WDR27: variants seen among roughly 807,000 people sequenced by gnomAD.
The protein encoded by WDR27 is WD repeat-containing protein 27.
In WDR27, 100 loss-of-function variants were observed where a neutral mutation model predicts 114.4. The observed-to-expected ratio is 0.87, with a 90% CI of 0.74 to 1.03. The LOEUF is 1.03. Among genes scored for constraint, WDR27 ranks in the 50% least tolerant of loss-of-function variants. WDR27 has a pLI of 0.00. For synonymous variants in WDR27, 449 were observed against 423.1 expected (o/e 1.06, Z -0.75); for missense variants, 1,129 against 1,092.9 (o/e 1.03, Z -0.47).
Position 169,672,327 on chromosome 6 carries a change from G to C in WDR27, c.259C>G (p.Leu87Val), listed in dbSNP as rs757672686. The change falls in exon 3 of 26, where the codon CTA becomes GTA. Residue 87 changes from leucine to valine, a missense_variant. Coordinates refer to ENST00000448612, the MANE Select transcript of WDR27 (RefSeq NM_182552.5). ...TAATCCAGTGATGCTGAGCAGATTA[G>C]AAGTGGGTTCACTTTATTTCCAAAA... The part of the protein sequence containing the change: ...MAFGNKVNPL[L>V]ICSASLDYVI... 1.2e-6 allele frequency: 2 copies of C among 1,613,420 alleles called. No homozygotes were observed. The highest frequency in any genetic ancestry group is 1.3e-5 in the African/African-American group (1 of 74,938).
chr6:169,520,212 C>G (rs932495439), intron 25 of WDR27, among the ~76,000 whole-genome samples: 8 of 152,008 alleles, frequency 5.3e-5, no homozygotes, highest in Admixed American at 2.0e-4. Context: ...AGGGCATGAA[C>G]CCATAGCCAG....
At chr6:169,438,821 G>C in the WDR27 span, among the ~76,000 whole-genome samples, 1 of 152,098 alleles carries the variant, frequency 6.6e-6, no homozygotes, top group South Asian at 2.1e-4. Context: ...CTTGTGCTTG[G>C]TGCTGTCTTT....
intron 25 of WDR27, among the ~76,000 whole-genome samples, chr6:169,521,560 A>C (rs1405732379): frequency 6.6e-6 from 1 of 152,142 alleles, no homozygotes; most frequent in Non-Finnish European, 1.5e-5. Context: ...TATGAAGCCC[A>C]AAAGACAAAT....
intron 21 of WDR27, among the ~76,000 whole-genome samples, chr6:169,622,135 A>G (rs1289648638): frequency 6.6e-6 from 1 of 152,210 alleles, no homozygotes; most frequent in Non-Finnish European, 1.5e-5. Context: ...CCAGGACCTG[A>G]AGGTCCCCTC....
At chr6:169,553,375 G>A (rs1046121013) in intron 25 of WDR27, among the ~76,000 whole-genome samples, 1 of 152,100 alleles carries the variant, frequency 6.6e-6, no homozygotes, top group African/African-American at 2.4e-5. Context: ...TAGAAAAGAA[G>A]AGCAATATAA....
At chr6:169,561,581 CA>C (rs971280519) in intron 25 of WDR27, among the ~76,000 whole-genome samples, 6 of 144,976 alleles carry the variant, frequency 4.1e-5, no homozygotes, top group African/African-American at 5.1e-5. Flanking sequence ...CCTAAGAAGC[CA>C]AAAAAAAAGA....
chr6:169,525,520 A>C (rs1420845327), intron 25 of WDR27, among the ~76,000 whole-genome samples: 1 of 145,104 alleles, frequency 6.9e-6, no homozygotes, highest in Non-Finnish European at 1.5e-5. Flanking sequence ...TGGGTGACAG[A>C]GCAAGACTCC....
chr6:169,474,610 T>C (rs1309854570), intron 25 of WDR27, among the ~76,000 whole-genome samples: 1 of 151,846 alleles, frequency 6.6e-6, no homozygotes, highest in African/African-American at 2.4e-5. Context: ...GTTGAGAGGA[T>C]GGAAAATGTG....
rs901655101 is a variant in WDR27, at chr6:169,702,022, C to T, written c.-479G>A. 1.6e-5 allele frequency: 7 copies of T among 449,470 alleles called. No individual in the cohort carries two copies. The East Asian group carries it at 2.8e-4, about 18-fold the overall frequency. The allele number at this position is 449,470 out of a possible 1,614,324, so 27.8% of individuals were successfully genotyped here. ...CTTGCCAGCCGACCCACGCGAGCCGCTATGGTTACTAGCCCGCCGCCCCTC... is the reference window on the plus strand; with the variant it reads ...CTTGCCAGCCGACCCACGCGAGCCGTTATGGTTACTAGCCCGCCGCCCCTC... On this transcript the variant is annotated 5_prime_UTR_variant, in exon 1 of 26. Coordinates refer to ENST00000448612, the MANE Select transcript of WDR27 (RefSeq NM_182552.5).
chr6:169,634,418 GA>G lies in WDR27; in HGVS notation c.2101+9del. On this transcript the variant is annotated intron_variant, in intron 20 of 25. Coordinates refer to ENST00000448612, the MANE Select transcript of WDR27 (RefSeq NM_182552.5). ...CGTAAAACCCTACCAGGATCCGGGAGAAAGGATACGGGAATAAAAGTCGTTG... is the reference window on the plus strand; with the variant it reads ...CGTAAAACCCTACCAGGATCCGGGAGAAGGATACGGGAATAAAAGTCGTTG... 6.2e-7 allele frequency: 1 copy of G among 1,603,460 alleles called. No individual in the cohort carries two copies. Among genetic ancestry groups the G allele is most frequent in the Non-Finnish European group, 8.5e-7 (1 of 1,172,828 alleles).
chr6:169,550,595 AT>A (rs1797971711), intron 25 of WDR27, among the ~76,000 whole-genome samples: 1 of 151,548 alleles, frequency 6.6e-6, no homozygotes, highest in African/African-American at 2.4e-5. Flanking sequence ...TAGTTTTTGT[AT>A]TTTTAGTAGA....
chr6:169,514,740 A>G (rs1793406173), intron 25 of WDR27, among the ~76,000 whole-genome samples: 1 of 135,292 alleles, frequency 7.4e-6, no homozygotes, highest in Non-Finnish European at 1.5e-5. Flanking sequence ...CGTTCTTACT[A>G]TAACAGAAAA....
chr6:169,554,910 C>A (rs1310736025), intron 25 of WDR27, among the ~76,000 whole-genome samples: 1 of 152,144 alleles, frequency 6.6e-6, no homozygotes, highest in East Asian at 1.9e-4. Flanking sequence ...ATTTTTGCCT[C>A]CACGATGACA....
intron 25 of WDR27, among the ~76,000 whole-genome samples, chr6:169,495,997 C>T (rs940100801): frequency 3.9e-5 from 6 of 152,004 alleles, no homozygotes; most frequent in African/African-American, 1.4e-4. Flanking sequence ...CCCTTATGAA[C>T]ATTAATGCAA....
intron 16 of WDR27, among the ~76,000 whole-genome samples, chr6:169,646,455 T>A (rs1206125374): frequency 6.6e-6 from 1 of 152,010 alleles, no homozygotes; most frequent in African/African-American, 2.4e-5. Context: ...AGGGTAGAAA[T>A]AAATGATAGA....
chr6:169,434,957 G>C, the WDR27 span, among the ~76,000 whole-genome samples: 1 of 152,212 alleles, frequency 6.6e-6, no homozygotes, highest in Non-Finnish European at 1.5e-5. Flanking sequence ...CACAAGCCCA[G>C]AGGTCTAGGA....
intron 25 of WDR27, among the ~76,000 whole-genome samples, chr6:169,546,722 C>A (rs1162231497): frequency 6.6e-6 from 1 of 152,130 alleles, no homozygotes; most frequent in African/African-American, 2.4e-5. Context: ...CAAGGAGCTA[C>A]CACAAAATGA....
intron 25 of WDR27, among the ~76,000 whole-genome samples, chr6:169,536,069 C>A (rs749748146): frequency 1.6e-4 from 24 of 152,126 alleles, no homozygotes; most frequent in Non-Finnish European, 2.2e-4. Flanking sequence ...GATTTCATTT[C>A]TGGAAAGCAT....
At chr6:169,656,705 G>A (rs571855177) in intron 13 of WDR27, among the ~76,000 whole-genome samples, 3 of 152,282 alleles carry the variant, frequency 2.0e-5, no homozygotes, top group Admixed American at 6.5e-5. Flanking sequence ...TCCCAGCTCC[G>A]ACAGCTCCCA....
Sources: gnomAD v4.1 joint callset for allele counts (sites outside exome capture counted in the v4.1 genomes callset) on GRCh38, gnomAD v4.1.1 for gene constraint, MANE v1.5 for transcripts, NCBI Gene and HGNC (gene_info 2026-07-23, HGNC 2026-07-21) for gene names.